Variants in TTC23L observed in about 807,000 individuals in gnomAD.
TTC23L encodes tetratricopeptide repeat domain 23 like.
A neutral mutation model predicts 48.1 loss-of-function variants in TTC23L; 42 were observed. The ratio of observed to expected loss-of-function variants is 0.87; its 90% confidence interval spans 0.68 to 1.13. TTC23L has a LOEUF of 1.13. Among genes scored for constraint, TTC23L ranks in the 50% most tolerant of loss-of-function variants. TTC23L has a pLI of 0.00. For synonymous variants in TTC23L, 159 were observed against 157.2 expected (o/e 1.01, Z -0.09); for missense variants, 391 against 421.0 (o/e 0.93, Z 0.62).
the TTC23L span, chr5:34,922,474 G>A: frequency 1.9e-6 from 2 of 1,026,506 alleles, no homozygotes; most frequent in African/African-American, 1.6e-5. Flanking sequence ...TATTTATGGT[G>A]AATAGGTGGT....
intron 9 of TTC23L, among the ~76,000 whole-genome samples, 171 bp downstream of exon 9, chr5:34,880,479 A>T (rs2111658107): frequency 6.6e-6 from 1 of 151,960 alleles, no homozygotes; most frequent in Non-Finnish European, 1.5e-5. Context: ...TTTTTTTCAG[A>T]TTGGTTTCAT....
the TTC23L span, chr5:34,918,210 C>G: frequency 2.2e-6 from 1 of 454,070 alleles, no homozygotes; most frequent in Non-Finnish European, 4.0e-6. Flanking sequence ...ACTGTAGATG[C>G]TGGGGTGGGA....
chr5:34,886,371 A>AAAC (rs1454976675), intron 9 of TTC23L, among the ~76,000 whole-genome samples: 2 of 151,834 alleles, frequency 1.3e-5, no homozygotes, highest in Non-Finnish European at 2.9e-5. Flanking sequence ...TTTAAAAAAA[A>AAAC]AAAAAAAAAA....
intron 9 of TTC23L, among the ~76,000 whole-genome samples, chr5:34,886,363 TAAAAAAAA>T (rs3032938): frequency 8.1e-6 from 1 of 123,382 alleles, no homozygotes; most frequent in South Asian, 2.8e-4. Flanking sequence ...CAGGCTGATT[TAAAAAAAA>T]AAAAAAAAAA....
In TTC23L at chr5:34,885,745, T is replaced by TAA. The variant is rs11464664; in HGVS notation, c.1077+5446_1077+5447dup. 6.0e-3 allele frequency among the ~76,000 whole-genome samples: 886 copies of TAA among 147,714 alleles called. 9 individuals carry two copies. Among genetic ancestry groups the TAA allele is most frequent in the African/African-American group, 0.02 (803 of 40,350 alleles). ...CTGAGCAACAGAGTGAGGCCCTGTC[T>TAA]AAAAAAAAAAGAAAGAAACCATTTA... On this transcript the variant is annotated intron_variant, in intron 9 of 10. Coordinates refer to ENST00000505624, the Ensembl canonical transcript of TTC23L.
chr5:34,840,240 G>T (rs1363534619), intron 1 of TTC23L, among the ~76,000 whole-genome samples: 1 of 141,574 alleles, frequency 7.1e-6, no homozygotes, highest in Non-Finnish European at 1.6e-5. Flanking sequence ...ATGACCCCGG[G>T]GGGGGGGGGG....
the TTC23L span, chr5:34,915,602 G>A: frequency 1.7e-6 from 2 of 1,161,542 alleles, no homozygotes; most frequent in Non-Finnish European, 2.3e-6. Context: ...CCGCGCCACC[G>A]AGACCGGAAG....
Position 34,863,124 on chromosome 5 carries a change from A to C in TTC23L, c.536+70A>C. The C allele has an allele frequency of 1.3e-4, 211 of 1,570,350 alleles. No individual in the cohort carries two copies. The highest frequency in any genetic ancestry group is 4.0e-4 in the Middle Eastern group (2 of 5,004). On this transcript the variant is annotated intron_variant, in intron 5 of 10. Coordinates refer to ENST00000505624, the Ensembl canonical transcript of TTC23L. This position sits in a 1 kb window ranked among gnomAD's most constrained non-coding sequence, Gnocchi z 4.1. ...CCACACATGCCAGATGGGTCATCTC[A>C]TACAGGAGGGTGGGAGATGGAACCA...
At chr5:34,880,215 T>C (rs1444801891) in exon 9 of TTC23L, 1 of 1,613,010 alleles carries the variant, frequency 6.2e-7, no homozygotes, top group Admixed American at 1.7e-5. Context: ...GAAGTATCAA[T>C]GCATATCGAG....
chr5:34,845,614 C>G (rs767061189), exon 3 of TTC23L: 6 of 1,613,864 alleles, frequency 3.7e-6, no homozygotes, highest in Non-Finnish European at 5.1e-6. Context: ...TATGTCTCAT[C>G]CCAAAGAGAA....
downstream of TTC23L, among the ~76,000 whole-genome samples, chr5:34,904,284 T>TA (rs1480829530): frequency 6.6e-6 from 1 of 151,098 alleles, no homozygotes; most frequent in Non-Finnish European, 1.5e-5. Flanking sequence ...AAACATTTTT[T>TA]AGCAAGCAAA....
the TTC23L span, chr5:34,923,253 T>C: frequency 1.3e-6 from 2 of 1,489,850 alleles, no homozygotes; most frequent in Non-Finnish European, 1.9e-6. Flanking sequence ...TACTTGATTT[T>C]TAATTATACC....
chr5:34,859,843 T>TTC (rs1760450240), intron 4 of TTC23L, among the ~76,000 whole-genome samples: 2 of 87,760 alleles, frequency 2.3e-5, no homozygotes, highest in African/African-American at 1.1e-4. Flanking sequence ...TCTTCTTCTT[T>TTC]TTTTTTTTTT....
Position 34,888,415 on chromosome 5 carries a change from A to G in TTC23L, c.1077+8107A>G, listed in dbSNP as rs1201208487. 4.3e-6 allele frequency: 4 copies of G among 939,418 alleles called. No individual in the cohort carries two copies. The Admixed American group carries it at 2.5e-4, about 58-fold the overall frequency. 58.2% of individuals were successfully genotyped at this position (939,418 alleles called of 1,614,324 possible). ...TTGGTTTGCAGTTAAGGTGCTTGCT[A>G]TCTGATTCTCTTTAACCTGTTGTTT... On this transcript the variant is annotated intron_variant, in intron 9 of 10. Coordinates refer to ENST00000505624, the Ensembl canonical transcript of TTC23L.
chr5:34,908,336 G>C, the TTC23L span: 1 of 152,522 alleles, frequency 6.6e-6, no homozygotes, highest in Non-Finnish European at 1.5e-5. Context: ...ACCACGTCCG[G>C]CTAATTTTTT....
intron 4 of TTC23L, among the ~76,000 whole-genome samples, chr5:34,856,873 C>G (rs1760179488): frequency 6.6e-6 from 1 of 152,066 alleles, no homozygotes; most frequent in Non-Finnish European, 1.5e-5. Context: ...GAACAGTTTC[C>G]CCATAGTGGT....
chr5:34,925,083 T>C, the TTC23L span: 10 of 1,478,168 alleles, frequency 6.8e-6, no homozygotes, highest in Admixed American at 2.4e-4. Context: ...AATTTGGTTT[T>C]TGCTGCATAG....
At chr5:34,911,876 A>T in the TTC23L span, 1 of 1,533,766 alleles carries the variant, frequency 6.5e-7, no homozygotes, top group African/African-American at 1.4e-5. Context: ...TTCTCCTCGA[A>T]ATGATACATA....
At chr5:34,866,852 G>C (rs777973968) in intron 6 of TTC23L, 40 bp from the exon 7 acceptor site, 1 of 1,510,486 alleles carries the variant, frequency 6.6e-7, no homozygotes, top group East Asian at 2.4e-5. Context: ...AAAGTAAGTG[G>C]CCTCTCTGTG....
Sources: allele counts gnomAD v4.1 joint callset (sites outside exome capture counted in the v4.1 genomes callset), GRCh38; gene constraint gnomAD v4.1.1; non-coding constraint Gnocchi (gnomAD v3.1); transcripts MANE v1.5; gene names NCBI Gene and HGNC (gene_info 2026-07-23, HGNC 2026-07-21).